Variants in ADAMTS2 observed in about 807,000 individuals in gnomAD.
ADAMTS2 encodes the protein ADAM metallopeptidase with thrombospondin type 1 motif 2.
Under a neutral mutation model 123.0 loss-of-function variants are expected in ADAMTS2, and 50 were observed. That is an observed-to-expected ratio of 0.41 (90% CI 0.32 to 0.51). ADAMTS2 has a LOEUF of 0.51. Ranked by LOEUF, ADAMTS2 falls within the 20% of genes least tolerant of loss-of-function variation. ADAMTS2 has a pLI of 0.35. For missense variants in ADAMTS2, 1,494 were observed against 1,705.2 expected (o/e 0.88, Z 2.18); for synonymous variants, 678 against 695.4 (o/e 0.98, Z 0.39).
At chr5:179,327,664 T>G (rs1020109199) in intron 2 of ADAMTS2, among the ~76,000 whole-genome samples, 2 of 152,188 alleles carry the variant, frequency 1.3e-5, no homozygotes, top group Non-Finnish European at 1.5e-5. Flanking sequence ...GAAATGGGCC[T>G]GGGAGATCCA....
intron 3 of ADAMTS2, among the ~76,000 whole-genome samples, chr5:179,218,481 T>A (rs1364796769): frequency 1.3e-5 from 2 of 152,220 alleles, no homozygotes; most frequent in Non-Finnish European, 1.5e-5. Flanking sequence ...ACGGGGGCCA[T>A]CAGCACAGAG....
At chr5:179,298,340 C>A (rs763115935) in intron 2 of ADAMTS2, among the ~76,000 whole-genome samples, 1 of 152,070 alleles carries the variant, frequency 6.6e-6, no homozygotes, top group Non-Finnish European at 1.5e-5. Context: ...GTGATGAGGT[C>A]ATGAGGGTGG....
At chr5:179,157,668 G>A (rs1377117498) in intron 6 of ADAMTS2, among the ~76,000 whole-genome samples, 1 of 151,962 alleles carries the variant, frequency 6.6e-6, no homozygotes, top group Non-Finnish European at 1.5e-5. Flanking sequence ...ACCATGCCCA[G>A]CCTCATTGTT....
rs1766205698 is a variant in ADAMTS2 at position 179,260,964 on chromosome 5, G to A, written c.688+11947C>T. Among the ~76,000 whole-genome samples the A allele has an allele frequency of 6.6e-6, 1 of 152,126 alleles. No individual in the cohort carries two copies. Among genetic ancestry groups the A allele is most frequent in the Non-Finnish European group, 1.5e-5 (1 of 68,030 alleles). On this transcript the variant is annotated intron_variant, in intron 3 of 21. Coordinates refer to ENST00000251582, the MANE Select transcript of ADAMTS2 (RefSeq NM_014244.5). This position sits in a 1 kb window ranked among gnomAD's most constrained non-coding sequence, Gnocchi z 4.2. ...GCCCACCTTCGCGCAGGCCCTCGGT[G>A]AATGGGCATGTCCTTGAACGCAAAC...
At position 179,181,624 on chromosome 5, in the gene ADAMTS2, G is replaced by T. The variant is rs958359893; in HGVS notation, c.892-469C>A. Among the ~76,000 whole-genome samples the T allele has an allele frequency of 1.7e-4, 26 of 152,072 alleles. No homozygotes were observed. Among genetic ancestry groups the T allele is most frequent in the Admixed American group, 7.9e-4 (12 of 15,266 alleles). ...TGCATCGCTACTTGGAAATGGGGGC[G>T]GTTCTAGGCCCACCACCAGGTATAA... On this transcript the variant is annotated intron_variant, in intron 4 of 21. Coordinates refer to ENST00000251582, the MANE Select transcript of ADAMTS2 (RefSeq NM_014244.5). This position sits in a 1 kb window ranked among gnomAD's most constrained non-coding sequence, Gnocchi z 4.1.
At chr5:179,250,246 G>A (rs975651499) in intron 3 of ADAMTS2, among the ~76,000 whole-genome samples, 1 of 152,158 alleles carries the variant, frequency 6.6e-6, no homozygotes, top group Non-Finnish European at 1.5e-5. Context: ...ATGGTCAACT[G>A]TAAGACTGGA....
In ADAMTS2 at chr5:179,132,193, T is replaced by A; in HGVS notation, c.2290+37A>T. ...GCCCATTGATCCCAGAGGAGCCAGG[T>A]CCTGAGGACGTCAAGTTGTCCGGCT... On this transcript the variant is annotated intron_variant, in intron 15 of 21. Transcript: ENST00000251582. This position sits in a 1 kb window ranked among gnomAD's most constrained non-coding sequence, Gnocchi z 6.1. 1 of 1,600,552 alleles carries A rather than the reference T, an allele frequency of 6.2e-7. No homozygotes were observed. Among genetic ancestry groups the A allele is most frequent in the Non-Finnish European group, 8.6e-7 (1 of 1,169,038 alleles).
At position 179,234,282 on chromosome 5, in the gene ADAMTS2, C is replaced by T. The variant is rs1377772228; in HGVS notation, c.689-26567G>A. ...CTCTGCCTGAATTCACCCAGGTGGGCAGTCCTCAGGTGACTTCTCCAGCTC... is the reference window on the plus strand; with the variant it reads ...CTCTGCCTGAATTCACCCAGGTGGGTAGTCCTCAGGTGACTTCTCCAGCTC... On this transcript the variant is annotated intron_variant, in intron 3 of 21. Transcript: ENST00000251582. This position sits in a 1 kb window ranked among gnomAD's most constrained non-coding sequence, Gnocchi z 4.7. Among the ~76,000 whole-genome samples the T allele has an allele frequency of 6.6e-6, 1 of 152,134 alleles. No individual in the cohort carries two copies. Among genetic ancestry groups the T allele is most frequent in the East Asian group, 1.9e-4 (1 of 5,178 alleles).
At chr5:179,289,781 G>A (rs1231491192) in intron 2 of ADAMTS2, among the ~76,000 whole-genome samples, 1 of 152,158 alleles carries the variant, frequency 6.6e-6, no homozygotes, top group Non-Finnish European at 1.5e-5. Context: ...TCCCAGCGTG[G>A]TGCCCTACGG....
At chr5:179,198,275 C>T (rs2113352886) in intron 4 of ADAMTS2, among the ~76,000 whole-genome samples, 1 of 152,310 alleles carries the variant, frequency 6.6e-6, no homozygotes, top group Admixed American at 6.5e-5. Flanking sequence ...AGAATGAAGG[C>T]AGAGGGAATA....
At chr5:179,264,435 C>A (rs967788679) in intron 3 of ADAMTS2, among the ~76,000 whole-genome samples, 16 of 152,166 alleles carry the variant, frequency 1.1e-4, no homozygotes, top group African/African-American at 3.9e-4. Context: ...GCCTCTCTCC[C>A]AGAAGCCTGC....
intron 4 of ADAMTS2, among the ~76,000 whole-genome samples, chr5:179,198,063 G>A (rs563043716): frequency 6.6e-6 from 1 of 152,300 alleles, no homozygotes; most frequent in South Asian, 2.1e-4. Flanking sequence ...GTCCCAGCCT[G>A]GCAGCACCCA....
In ADAMTS2 at chr5:179,314,192, A is replaced by G. The variant is rs1485966338; in HGVS notation, c.534+29575T>C. ...CAGACCGGCCAGGGCCAGGGCCAGG[A>G]CTGGCATTTCCCGGGCTCCTGGTCC... On this transcript the variant is annotated intron_variant, in intron 2 of 21. Coordinates refer to ENST00000251582, the MANE Select transcript of ADAMTS2 (RefSeq NM_014244.5). This position sits in a 1 kb window ranked among gnomAD's most constrained non-coding sequence, Gnocchi z 4.5. 6.6e-6 allele frequency among the ~76,000 whole-genome samples: 1 copy of G among 152,220 alleles called. No homozygotes were observed. Among genetic ancestry groups the G allele is most frequent in the Admixed American group, 6.5e-5 (1 of 15,284 alleles).
At chr5:179,337,895 T>G (rs1757662359) in intron 2 of ADAMTS2, among the ~76,000 whole-genome samples, 2 of 135,246 alleles carry the variant, frequency 1.5e-5, no homozygotes, top group Non-Finnish European at 1.6e-5. Context: ...CTCACCCAGG[T>G]GTGGCCCCTA....
At chr5:179,210,737 G>A (rs1432932142) in intron 3 of ADAMTS2, among the ~76,000 whole-genome samples, 1 of 152,228 alleles carries the variant, frequency 6.6e-6, no homozygotes, top group Non-Finnish European at 1.5e-5. Context: ...CAGACCTGGG[G>A]CAACAGGAGC....
intron 2 of ADAMTS2, 94 bp downstream of exon 2, chr5:179,343,673 A>C: frequency 1.3e-6 from 2 of 1,499,924 alleles, no homozygotes; most frequent in Non-Finnish European, 1.8e-6. Context: ...TCCTCAGCGC[A>C]GGCCTTGCCC....
rs1321566786 is a variant in ADAMTS2 at position 179,132,368 on chromosome 5, G to A, written c.2210-58C>T. 8 of 1,536,666 alleles carry A rather than the reference G, an allele frequency of 5.2e-6. No individual in the cohort carries two copies. The East Asian group carries it at 6.8e-5, about 13-fold the overall frequency. The stretch of plus-strand genomic sequence containing the variant: ...AGAAGGGAAGGCGCCGCTCAAATTC[G>A]CACCATGCAAGGAGGGGCCTCGCTC... On this transcript the variant is annotated intron_variant, in intron 14 of 21. Transcript: ENST00000251582. The surrounding 1 kb of genome is among the most constrained non-coding windows in gnomAD (Gnocchi z 6.1).
chr5:179,281,615 T>G (rs889375583), intron 2 of ADAMTS2, among the ~76,000 whole-genome samples: 1 of 152,206 alleles, frequency 6.6e-6, no homozygotes, highest in African/African-American at 2.4e-5. Context: ...GGGTTGTTGG[T>G]TTTTGGCTCC....
intron 5 of ADAMTS2, among the ~76,000 whole-genome samples, chr5:179,166,894 A>G (rs925676673): frequency 1.3e-5 from 2 of 152,166 alleles, no homozygotes; most frequent in Non-Finnish European, 2.9e-5. Context: ...CCATGCCAGG[A>G]TGAGGCAGCG....
Sources: allele counts gnomAD v4.1 joint callset (sites outside exome capture counted in the v4.1 genomes callset), GRCh38; gene constraint gnomAD v4.1.1; non-coding constraint Gnocchi (gnomAD v3.1); transcripts MANE v1.5; gene names NCBI Gene and HGNC (gene_info 2026-07-23, HGNC 2026-07-21).